Variants in OAT observed in about 807,000 individuals in gnomAD.
OAT encodes the protein ornithine aminotransferase, mitochondrial.
In OAT, 35 loss-of-function variants were observed where a neutral mutation model predicts 48.4. The ratio of observed to expected loss-of-function variants is 0.72; its 90% CI spans 0.55 to 0.96. The LOEUF is 0.96. Ranked by LOEUF, OAT falls within the 40% of genes least tolerant of loss-of-function variation. The pLI is 0.00. For missense variants in OAT, 438 were observed against 537.9 expected (o/e 0.81, Z 1.84); for synonymous variants, 182 against 198.4 (o/e 0.92, Z 0.70).
At position 124,402,914 on chromosome 10, in the gene OAT, A is replaced by G. The variant is rs1951453213; in HGVS notation, c.900+13T>C. 1 of 1,613,104 alleles carries G rather than the reference A, an allele frequency of 6.2e-7. No homozygotes were observed. Among genetic ancestry groups the G allele is most frequent in the Non-Finnish European group, 8.5e-7 (1 of 1,179,808 alleles). ...AGAGTAGGAAATGGAAAGAGGGGGAACATGAAACTTACAGGGTATAAGCCC... is the reference window on the plus strand; with the variant it reads ...AGAGTAGGAAATGGAAAGAGGGGGAGCATGAAACTTACAGGGTATAAGCCC... On this transcript the variant is annotated intron_variant, in intron 7 of 9. Transcript: ENST00000368845.
At chr10:124,411,646 T>C (rs183383580) in intron 2 of OAT, among the ~76,000 whole-genome samples, 37 of 152,130 alleles carry the variant, frequency 2.4e-4, no homozygotes, top group African/African-American at 8.7e-4. Flanking sequence ...TGAAACCCCA[T>C]CTCTACTAAA....
chr10:124,406,764 C>T (rs1475023946), intron 4 of OAT, among the ~76,000 whole-genome samples: 1 of 130,416 alleles, frequency 7.7e-6, no homozygotes. Context: ...TACAGTGAGC[C>T]AGACTGCAGA....
intron 2 of OAT, among the ~76,000 whole-genome samples, chr10:124,411,719 G>C (rs936725888): frequency 1.3e-5 from 2 of 151,960 alleles, no homozygotes; most frequent in Non-Finnish European, 2.9e-5. Flanking sequence ...AGGAGGCTGA[G>C]GCAGAAGAAT....
At chr10:124,405,822 T>C (rs1951559722) in intron 4 of OAT, 2 of 1,270,804 alleles carry the variant, frequency 1.6e-6, no homozygotes, top group Non-Finnish European at 2.0e-6. Context: ...CTGGAATATA[T>C]AGCCCCTGAA....
intron 1 of OAT, among the ~76,000 whole-genome samples, chr10:124,412,577 G>A (rs1951790174): frequency 6.6e-6 from 1 of 152,036 alleles, no homozygotes; most frequent in Non-Finnish European, 1.5e-5. Context: ...AGGCCAAGAT[G>A]GGAGGATCGC....
rs201504751 is a variant in OAT at position 124,401,748 on chromosome 10, C to T, written c.992G>A (p.Arg331Gln). 2.2e-5 allele frequency: 35 copies of T among 1,612,258 alleles called. No individual in the cohort carries two copies. The highest frequency in any genetic ancestry group is 1.7e-4 in the Middle Eastern group (1 of 6,054). Residue 331 changes from arginine to glutamine, a missense_variant, in exon 8 of 10, where the codon CGA becomes CAA. Physicochemically the swap from Arg to Gln is conservative, Grantham distance 43. Transcript: ENST00000368845. ...TACCTCAAGGGCTGCGATGGCCACT[C>T]GGCAGCCTAGTGGATTGCCACCGTA... The part of the protein sequence containing the change: ...STYGGNPLGC[R>Q]VAIAALEVLE...
At position 124,412,125 on chromosome 10, in the gene OAT, C is replaced by G. The variant is rs146755810; in HGVS notation, c.47G>C (p.Arg16Pro). The change falls in exon 2 of 10, where the codon CGC becomes CCC. Residue 16 changes from arginine to proline, a missense_variant. Arg to Pro is a moderately radical substitution (Grantham distance 103, BLOSUM62 -2). Transcript: ENST00000368845. ...AHLQRFAVLS[R>P]GVHSSVASAT... Reference sequence around the variant, plus strand: ...AGAAGCCACTGAAGAATGAACTCCGCGACTAAGTACAGCAAACCTCTGCAA... The same window carrying G: ...AGAAGCCACTGAAGAATGAACTCCGGGACTAAGTACAGCAAACCTCTGCAA... The G allele has an allele frequency of 1.4e-5, 23 of 1,613,972 alleles. No homozygotes were observed. The East Asian group carries it at 4.9e-4, about 34-fold the overall frequency.
chr10:124,403,789 C>T lies in OAT; in HGVS notation c.771+9G>A, dbSNP rs756798690. On this transcript the variant is annotated intron_variant, in intron 6 of 9. Transcript: ENST00000368845. Reference sequence around the variant, plus strand: ...ATTCAGCCTTATCACAAACAGCTAACGTGACAACCTGGTGCCTGGTGCAGA... The same window carrying T: ...ATTCAGCCTTATCACAAACAGCTAATGTGACAACCTGGTGCCTGGTGCAGA... 2.5e-6 allele frequency: 4 copies of T among 1,614,082 alleles called. No individual in the cohort carries two copies. Among genetic ancestry groups the T allele is most frequent in the African/African-American group, 2.7e-5 (2 of 75,048 alleles).
intron 5 of OAT, 55 bp downstream of exon 5, chr10:124,405,376 TATTCA>T: frequency 1.2e-6 from 2 of 1,607,180 alleles, no homozygotes; most frequent in Non-Finnish European, 1.7e-6. Flanking sequence ...TTAATTCATA[TATTCA>T]ACAGCTTTAA....
intron 1 of OAT, chr10:124,415,008 C>T (rs1951875585): frequency 7.9e-6 from 1 of 126,754 alleles, no homozygotes; most frequent in Non-Finnish European, 1.6e-5. Flanking sequence ...CTCTTGAGCC[C>T]TGAGTTCTGG....
At chr10:124,410,906 G>A (rs1415333661) in intron 2 of OAT, among the ~76,000 whole-genome samples, 3 of 152,040 alleles carry the variant, frequency 2.0e-5, no homozygotes, top group Non-Finnish European at 4.4e-5. Context: ...TTGGGAGGCT[G>A]AGGTGGGTGG....
At chr10:124,417,029 G>C (rs1031391735) in intron 1 of OAT, among the ~76,000 whole-genome samples, 1 of 151,998 alleles carries the variant, frequency 6.6e-6, no homozygotes, top group Non-Finnish European at 1.5e-5. Flanking sequence ...ATCCAAATTC[G>C]TGCATTCATC....
At position 124,411,994 on chromosome 10, in the gene OAT, C is replaced by T; in HGVS notation, c.178G>A (p.Val60Ile). 1 of 1,613,976 alleles carries T rather than the reference C, an allele frequency of 6.2e-7. No individual in the cohort carries two copies. The highest frequency in any genetic ancestry group is 1.1e-5 in the South Asian group (1 of 91,072). ...GTACCTTTTCCTCTCTCCAGGGCTA[C>T]AGGTAAAGGATGGTAGTTGTGTGCA... Reference protein sequence around the residue: ...YGAHNYHPLPVALERGKGIYL... With the variant: ...YGAHNYHPLPIALERGKGIYL... Residue 60 changes from valine (V) to isoleucine (I), a missense_variant, in exon 2 of 10, where the codon GTA becomes ATA. Val to Ile is a conservative substitution (Grantham distance 29). Transcript: ENST00000368845.
intron 9 of OAT, among the ~76,000 whole-genome samples, chr10:124,398,821 C>G (rs192195229): frequency 5.3e-4 from 81 of 152,076 alleles, no homozygotes; most frequent in African/African-American, 1.9e-3. Context: ...TCGAGACCAT[C>G]CTGGCCAACA....
At chr10:124,411,916 T>A in intron 2 of OAT, 57 bp downstream of exon 2, 1 of 1,456,224 alleles carries the variant, frequency 6.9e-7, no homozygotes, top group Non-Finnish European at 9.6e-7. Flanking sequence ...ATGGAAGCAA[T>A]TTTTTTTTAT....
intron 1 of OAT, among the ~76,000 whole-genome samples, chr10:124,417,143 A>G (rs1258047813): frequency 1.3e-5 from 2 of 152,080 alleles, no homozygotes; most frequent in Non-Finnish European, 2.9e-5. Flanking sequence ...TGGGGATAAT[A>G]CATATTAAGA....
chr10:124,407,765 T>C (rs1296142011), intron 4 of OAT, among the ~76,000 whole-genome samples: 3 of 152,198 alleles, frequency 2.0e-5, no homozygotes, highest in South Asian at 4.1e-4. Flanking sequence ...GAACCTCTCA[T>C]TTGAATATCA....
At chr10:124,416,825 A>G (rs1951931434) in intron 1 of OAT, among the ~76,000 whole-genome samples, 1 of 151,840 alleles carries the variant, frequency 6.6e-6, no homozygotes, top group Non-Finnish European at 1.5e-5. Context: ...TTTGACAAAT[A>G]TTTACTTTTC....
At chr10:124,411,139 C>CAAA (rs370084432) in intron 2 of OAT, among the ~76,000 whole-genome samples, 271 of 14,952 alleles carry the variant, frequency 0.018, 30 homozygotes, top group East Asian at 0.054. Flanking sequence ...CATTCCGTCT[C>CAAA]AAAAAAAAAA....
Sources: allele counts gnomAD v4.1 joint callset (sites outside exome capture counted in the v4.1 genomes callset), GRCh38; gene constraint gnomAD v4.1.1; transcripts MANE v1.5; gene names NCBI Gene and HGNC (gene_info 2026-07-23, HGNC 2026-07-21).